Variants in ESRRB observed in about 807,000 individuals in gnomAD.
ESRRB encodes estrogen related receptor beta.
In ESRRB, 16 loss-of-function variants were observed where a neutral mutation model predicts 46.0. The ratio of observed to expected loss-of-function variants is 0.35; its 90% CI spans 0.24 to 0.53. The LOEUF (loss-of-function observed/expected upper bound fraction) is 0.53. ESRRB is among the 20% of genes least tolerant of loss of function. ESRRB has a pLI of 0.93. For synonymous variants in ESRRB, 246 were observed against 259.6 expected (o/e 0.95, Z 0.50); for missense variants, 488 against 607.4 (o/e 0.80, Z 2.07).
chr14:76,367,067 G>A (rs1353213114), upstream of ESRRB, among the ~76,000 whole-genome samples: 1 of 152,136 alleles, frequency 6.6e-6, no homozygotes, highest in Admixed American at 6.5e-5. Context: ...AGAGACCTGG[G>A]GCGAGCATTA....
At chr14:76,446,079 AG>A (rs1302437023) in intron 2 of ESRRB, among the ~76,000 whole-genome samples, 2 of 152,228 alleles carry the variant, frequency 1.3e-5, no homozygotes, top group Non-Finnish European at 2.9e-5. Context: ...ACGGCCTGTA[AG>A]CCAGCCACCC....
chr14:76,424,069 T>C (rs1479317441), intron 1 of ESRRB, among the ~76,000 whole-genome samples: 2 of 152,204 alleles, frequency 1.3e-5, no homozygotes, highest in Non-Finnish European at 2.9e-5. Context: ...GTGTGGTCCC[T>C]GCCGAGATAT....
intron 1 of ESRRB, among the ~76,000 whole-genome samples, chr14:76,384,634 C>G (rs1430279630): frequency 6.6e-6 from 1 of 152,156 alleles, no homozygotes; most frequent in Non-Finnish European, 1.5e-5. Flanking sequence ...AAGTTTGACC[C>G]CACTACTGCC....
chr14:76,499,871 A>G lies in ESRRB; in HGVS notation c.*1413A>G. 1 of 1,614,192 alleles carries G rather than the reference A, an allele frequency of 6.2e-7. No homozygotes were observed. Among genetic ancestry groups the G allele is most frequent in the African/African-American group, 1.3e-5 (1 of 75,056 alleles). ...CCCATTTGTGCTCACAGGTTGGCCA[A>G]GAGCAGCTTAGAGGATCTCCCAAGG... On this transcript the variant is annotated 3_prime_UTR_variant, in exon 7 of 7. Transcript: ENST00000644823.
At chr14:76,335,885 G>C (rs777730250) in intron 1 of ESRRB, among the ~76,000 whole-genome samples, 1 of 152,158 alleles carries the variant, frequency 6.6e-6, no homozygotes, top group African/African-American at 2.4e-5. Flanking sequence ...CTTTGCTGGC[G>C]TAGTTAATAT....
intron 2 of ESRRB, among the ~76,000 whole-genome samples, chr14:76,453,297 G>A (rs559541305): frequency 1.3e-5 from 2 of 152,316 alleles, no homozygotes; most frequent in East Asian, 3.9e-4. Context: ...TGGGCTGCCT[G>A]TCACAGTTAC....
intron 1 of ESRRB, among the ~76,000 whole-genome samples, chr14:76,323,478 T>A (rs1883892647): frequency 6.6e-6 from 1 of 152,058 alleles, no homozygotes; most frequent in African/African-American, 2.4e-5. Flanking sequence ...CCTGGCTAAT[T>A]TTTTTAATTT....
upstream of ESRRB, chr14:76,371,515 G>A (rs1884625201): frequency 6.6e-6 from 1 of 152,376 alleles, no homozygotes; most frequent in South Asian, 2.1e-4. Flanking sequence ...TCACCCTGGG[G>A]TGGAAGAGAA....
chr14:76,430,316 G>A (rs146992911), intron 1 of ESRRB, among the ~76,000 whole-genome samples: 1,572 of 152,260 alleles, frequency 0.01, 15 homozygotes, highest in Non-Finnish European at 0.015. Context: ...TTATTGAAAT[G>A]TACATAAGAA....
intron 1 of ESRRB, among the ~76,000 whole-genome samples, chr14:76,422,805 C>T (rs145336516): frequency 0.01 from 1,579 of 152,270 alleles, 16 homozygotes; most frequent in Non-Finnish European, 0.015. Context: ...GCCGGGATTC[C>T]GACACAGGCG....
chr14:76,406,443 C>A (rs910522891), intron 1 of ESRRB, among the ~76,000 whole-genome samples: 4 of 152,156 alleles, frequency 2.6e-5, no homozygotes, highest in African/African-American at 9.7e-5. Flanking sequence ...TCAAATGTCA[C>A]ATTGGTTAAA....
intron 1 of ESRRB, among the ~76,000 whole-genome samples, chr14:76,317,109 G>T (rs1446239847): frequency 2.0e-5 from 3 of 152,054 alleles, no homozygotes; most frequent in Non-Finnish European, 4.4e-5. Flanking sequence ...CATCATTTTG[G>T]GTACGGGATT....
At chr14:76,438,747 C>T (rs1887780378) in intron 1 of ESRRB, among the ~76,000 whole-genome samples, 1 of 151,746 alleles carries the variant, frequency 6.6e-6, no homozygotes, top group African/African-American at 2.4e-5. Context: ...TAGTTTCCAT[C>T]TTGTGTCACC....
chr14:76,499,376 G>C lies in ESRRB; in HGVS notation c.*918G>C. On this transcript the variant is annotated 3_prime_UTR_variant, in exon 7 of 7. Coordinates refer to ENST00000644823, the MANE Select transcript of ESRRB (RefSeq NM_001379180.1). ...AGCCTGTGAGAAGCTCAGGAGCCTG[G>C]CTCCATCCAAGAGCACCCCGGGGGG... The C allele has an allele frequency of 3.9e-6, 1 of 258,572 alleles. No individual in the cohort carries two copies. Among genetic ancestry groups the C allele is most frequent in the South Asian group, 5.2e-5 (1 of 19,360 alleles). 16.0% of individuals were successfully genotyped at this position (258,572 alleles called of 1,614,324 possible). A position where few individuals can be genotyped will look rare whatever the true frequency, so the allele number is the denominator to read the frequency against.
chr14:76,491,371 C>T, intron 5 of ESRRB, 76 bp from the exon 6 acceptor site: 1 of 1,492,972 alleles, frequency 6.7e-7, no homozygotes, highest in Non-Finnish European at 9.1e-7. Context: ...CAACCTCTGC[C>T]CCCAGCGAGC....
Position 76,498,653 on chromosome 14 carries a change from G to GGC in ESRRB, c.*195_*196insGC. On this transcript the variant is annotated 3_prime_UTR_variant, in exon 7 of 7. Coordinates refer to ENST00000644823, the MANE Select transcript of ESRRB (RefSeq NM_001379180.1). ...TGGGGTGGGGGACGGGGATGGGGGG[G>GGC]CAGGGGTGTGGGGCTCGACTGTAAC... 2.3e-5 allele frequency: 11 copies of GGC among 484,480 alleles called. No homozygotes were observed. The highest frequency in any genetic ancestry group is 4.3e-5 in the Non-Finnish European group (11 of 254,146). The allele number at this position is 484,480 out of a possible 1,614,324, so 30.0% of individuals were successfully genotyped here.
intron 1 of ESRRB, among the ~76,000 whole-genome samples, chr14:76,434,476 C>A (rs1235255363): frequency 2.0e-5 from 3 of 151,806 alleles, no homozygotes; most frequent in Admixed American, 2.0e-4. Context: ...CATAGCGAAC[C>A]CCTGTCTCTA....
intron 1 of ESRRB, among the ~76,000 whole-genome samples, chr14:76,431,069 G>A (rs1258215012): frequency 1.3e-5 from 2 of 152,202 alleles, no homozygotes; most frequent in African/African-American, 4.8e-5. Flanking sequence ...GCCGAGGAGG[G>A]CAAATTACCC....
intron 1 of ESRRB, among the ~76,000 whole-genome samples, chr14:76,378,930 G>T (rs1884894461): frequency 6.6e-6 from 1 of 152,182 alleles, no homozygotes; most frequent in South Asian, 2.1e-4. Flanking sequence ...GTGGGTTCGT[G>T]TATGCTCTGC....
Sources: gnomAD v4.1 joint callset for allele counts (sites outside exome capture counted in the v4.1 genomes callset) on GRCh38, gnomAD v4.1.1 for gene constraint, MANE v1.5 for transcripts, NCBI Gene and HGNC (gene_info 2026-07-23, HGNC 2026-07-21) for gene names.